The following CSMD1 variants were observed in gnomAD, a reference collection of about 807,000 sequenced individuals.
The protein encoded by CSMD1 is CUB and sushi domain-containing protein 1.
CSMD1 carries 213 observed loss-of-function variants against 417.5 expected under a neutral mutation model. That is an observed-to-expected ratio of 0.51 (90% CI 0.46 to 0.57). The LOEUF (loss-of-function observed/expected upper bound fraction) is 0.57, where lower values mean the gene tolerates loss of function less well. CSMD1 is among the 20% of genes least tolerant of loss of function. CSMD1 has a pLI of 0.00. For missense variants in CSMD1, 6,923 were observed against 4,529.7 expected (o/e 1.53, Z -15.17); for synonymous variants, 2,862 against 1,736.8 (o/e 1.65, Z -16.11).
chr8:3,732,202 A>G (rs1796309038), intron 6 of CSMD1, among the ~76,000 whole-genome samples: 1 of 152,192 alleles, frequency 6.6e-6, no homozygotes, highest in African/African-American at 2.4e-5. Flanking sequence ...TCTTTCCGAG[A>G]GGACTCTATC....
intron 25 of CSMD1, among the ~76,000 whole-genome samples, chr8:3,293,601 T>C (rs189274654): frequency 1.1e-4 from 16 of 152,354 alleles, no homozygotes; most frequent in Non-Finnish European, 1.5e-4. Context: ...TGATACCTTG[T>C]CTTCCTGTTG....
chr8:4,020,900 G>T (rs1048034171), intron 4 of CSMD1, among the ~76,000 whole-genome samples: 3 of 152,158 alleles, frequency 2.0e-5, no homozygotes, highest in African/African-American at 7.2e-5. Flanking sequence ...GCTCAAATAT[G>T]CTTCAGCAAT....
intron 3 of CSMD1, among the ~76,000 whole-genome samples, chr8:4,097,534 C>T (rs574625657): frequency 2.0e-5 from 3 of 152,286 alleles, no homozygotes; most frequent in Non-Finnish European, 4.4e-5. Context: ...TGTTCAGATT[C>T]ACCTCAAGAC....
At chr8:4,446,706 C>CCATGCCTG (rs1295044571) in intron 2 of CSMD1, among the ~76,000 whole-genome samples, 2 of 147,062 alleles carry the variant, frequency 1.4e-5, no homozygotes, top group Non-Finnish European at 2.9e-5. Context: ...GTGCCCACCA[C>CCATGCCTG]CATGCCTGAG....
chr8:3,286,614 A>T (rs1207492675), intron 25 of CSMD1, among the ~76,000 whole-genome samples: 1 of 151,832 alleles, frequency 6.6e-6, no homozygotes, highest in Non-Finnish European at 1.5e-5. Context: ...TTTTGGCTGC[A>T]TAAATGTCTT....
At chr8:3,499,618 T>C (rs1389161994) in intron 10 of CSMD1, among the ~76,000 whole-genome samples, 2 of 151,968 alleles carry the variant, frequency 1.3e-5, no homozygotes, top group South Asian at 2.1e-4. Flanking sequence ...GCTCTCAGGG[T>C]CTTGGGAGCA....
At chr8:3,830,546 G>C (rs1802318385) in intron 5 of CSMD1, among the ~76,000 whole-genome samples, 1 of 152,116 alleles carries the variant, frequency 6.6e-6, no homozygotes, top group South Asian at 2.1e-4. Flanking sequence ...AAGACCTCCT[G>C]GCATGTAGAA....
intron 1 of CSMD1, among the ~76,000 whole-genome samples, chr8:4,922,861 A>G (rs2117151635): frequency 6.6e-6 from 1 of 152,310 alleles, no homozygotes; most frequent in East Asian, 1.9e-4. Context: ...CTAGTGCTAA[A>G]GTTTTAACTG....
At chr8:4,205,616 C>A (rs1322867442) in intron 3 of CSMD1, among the ~76,000 whole-genome samples, 1 of 152,176 alleles carries the variant, frequency 6.6e-6, no homozygotes, top group Non-Finnish European at 1.5e-5. Context: ...ACAATTTCCA[C>A]CCAGGAGCCA....
intron 4 of CSMD1, among the ~76,000 whole-genome samples, chr8:4,001,920 T>C (rs1815706964): frequency 6.6e-6 from 1 of 152,164 alleles, no homozygotes. Context: ...CCAAACCTTA[T>C]GACTATTGCA....
chr8:3,977,332 C>T (rs1371934761), intron 5 of CSMD1, among the ~76,000 whole-genome samples: 2 of 152,146 alleles, frequency 1.3e-5, no homozygotes, highest in African/African-American at 4.8e-5. Flanking sequence ...AATGTCCTGC[C>T]ATACTCAGCA....
Position 3,712,400 on chromosome 8 carries a change from GACAGAC to G in CSMD1, c.932-3915_932-3910del, listed in dbSNP as rs1164154189. ...GGAGAGAGAGAGAGAGAGAGAGAGA[GACAGAC>G]AGACAGACAGACAGACAGACAGACA... On this transcript the variant is annotated intron_variant, in intron 6 of 69. Coordinates refer to ENST00000635120, the MANE Select transcript of CSMD1 (RefSeq NM_033225.6). Among the ~76,000 whole-genome samples the G allele has an allele frequency of 1.7e-3, 159 of 94,376 alleles. 2 individuals are homozygous for G. Among genetic ancestry groups the G allele is most frequent in the African/African-American group, 5.2e-3 (150 of 28,978 alleles). 61.9% of individuals were successfully genotyped at this position (94,376 alleles called of 152,430 possible). A position where few individuals can be genotyped will look rare whatever the true frequency, so the allele number is the denominator to read the frequency against.
rs150998783 is a variant in CSMD1, at chr8:4,805,544, C to T, written c.86-167986G>A. Among the ~76,000 whole-genome samples the T allele has an allele frequency of 8.7e-3, 1,329 of 152,260 alleles. 15 individuals are homozygous for T. The highest frequency in any genetic ancestry group is 0.03 in the African/African-American group (1,242 of 41,538). ...ACACTCCCTCATCACATCACTTAAC[C>T]TTCCCCTCTCACTTGCTCTAAATGT... On this transcript the variant is annotated intron_variant, in intron 1 of 69. Coordinates refer to ENST00000635120, the MANE Select transcript of CSMD1 (RefSeq NM_033225.6).
chr8:3,935,251 A>G (rs1171292530), intron 5 of CSMD1, among the ~76,000 whole-genome samples: 1 of 152,220 alleles, frequency 6.6e-6, no homozygotes, highest in Admixed American at 6.5e-5. Flanking sequence ...AGAAGAACAG[A>G]ATCATTATAT....
At chr8:4,795,080 G>C (rs1797902012) in intron 1 of CSMD1, among the ~76,000 whole-genome samples, 1 of 151,758 alleles carries the variant, frequency 6.6e-6, no homozygotes, top group Non-Finnish European at 1.5e-5. Context: ...TATATGGAAG[G>C]TAATAGTGAA....
intron 8 of CSMD1, among the ~76,000 whole-genome samples, chr8:3,595,895 G>C (rs1801069126): frequency 6.6e-6 from 1 of 152,136 alleles, no homozygotes; most frequent in Non-Finnish European, 1.5e-5. Flanking sequence ...CAGGACTGTG[G>C]GGAATCATGG....
At chr8:4,077,912 A>C (rs1411846858) in intron 3 of CSMD1, among the ~76,000 whole-genome samples, 2 of 152,034 alleles carry the variant, frequency 1.3e-5, no homozygotes, top group Non-Finnish European at 2.9e-5. Flanking sequence ...CTTCCCGAAG[A>C]CCTTGCCATC....
At chr8:4,405,323 CATTTT>C (rs1413575873) in intron 3 of CSMD1, among the ~76,000 whole-genome samples, 1 of 151,956 alleles carries the variant, frequency 6.6e-6, no homozygotes, top group African/African-American at 2.4e-5. Flanking sequence ...GTTTTTTTCT[CATTTT>C]TTTTTTCTTC....
At chr8:4,920,774 G>T (rs1389062502) in intron 1 of CSMD1, among the ~76,000 whole-genome samples, 2 of 151,622 alleles carry the variant, frequency 1.3e-5, no homozygotes, top group African/African-American at 4.9e-5. Flanking sequence ...ACCAAGCCAA[G>T]ATTGTGCCAT....
Sources: allele counts gnomAD v4.1 joint callset (sites outside exome capture counted in the v4.1 genomes callset), GRCh38; gene constraint gnomAD v4.1.1; transcripts MANE v1.5; gene names NCBI Gene and HGNC (gene_info 2026-07-23, HGNC 2026-07-21).